IFT140: variants seen among roughly 807,000 people sequenced by gnomAD.
IFT140 encodes intraflagellar transport 140.
A neutral mutation model predicts 164.6 loss-of-function variants in IFT140; 133 were observed. The ratio of observed to expected loss-of-function variants is 0.81; its 90% CI spans 0.70 to 0.93. The LOEUF is 0.93. Ranked by LOEUF, IFT140 falls within the 40% of genes least tolerant of loss-of-function variation. IFT140 has a pLI of 0.00. For missense variants in IFT140, 2,045 were observed against 1,972.3 expected, an observed-to-expected ratio of 1.04 and a Z score of -0.70; for synonymous variants, 860 against 817.3, an observed-to-expected ratio of 1.05 and a Z score of -0.89.
intron 4 of IFT140, among the ~76,000 whole-genome samples, chr16:1,593,650 TG>T (rs907114273): frequency 2.2e-4 from 33 of 152,096 alleles, no homozygotes; most frequent in Non-Finnish European, 4.0e-4. Context: ...TATCATGGGA[TG>T]CCCCTCCACT....
intron 19 of IFT140, among the ~76,000 whole-genome samples, chr16:1,536,043 G>A (rs568597353): frequency 3.9e-5 from 6 of 152,332 alleles, no homozygotes; most frequent in South Asian, 2.1e-4. Context: ...AGGTGGGGCC[G>A]GGCGCTCATG....
At position 1,602,508 on chromosome 16, in the gene IFT140, A is replaced by T; in HGVS notation, c.231T>A (p.Ala77=). 6.2e-7 allele frequency: 1 copy of T among 1,614,146 alleles called. No homozygotes were observed. Among genetic ancestry groups the T allele is most frequent in the Non-Finnish European group, 8.5e-7 (1 of 1,180,034 alleles). Residue 77 remains alanine, a synonymous_variant, in exon 4 of 31, where the codon GCT becomes GCA. Transcript: ENST00000426508. ...LCWHPTRLVL[A]VGWETGEVTV... ...TCACTTCTCCAGTCTCCCAGCCCAC[A>T]GCCAGCACCAGCCGCGTCGGGTGCC...
chr16:1,609,086 C>T (rs1296569600), intron 2 of IFT140, among the ~76,000 whole-genome samples: 3 of 151,756 alleles, frequency 2.0e-5, no homozygotes, highest in African/African-American at 7.3e-5. Flanking sequence ...ATCCAGGAGG[C>T]GGAGGTTGCA....
At chr16:1,546,688 C>T (rs575404625) in intron 19 of IFT140, among the ~76,000 whole-genome samples, 5 of 152,338 alleles carry the variant, frequency 3.3e-5, no homozygotes, top group East Asian at 1.9e-4. Flanking sequence ...TGCCAGGATC[C>T]GTTCATGGAG....
intron 3 of IFT140, among the ~76,000 whole-genome samples, chr16:1,604,036 T>A (rs1017945937): frequency 3.9e-5 from 6 of 152,254 alleles, no homozygotes; most frequent in Admixed American, 6.5e-5. Flanking sequence ...AAATTTTACC[T>A]AAAATTGCTA....
chr16:1,600,462 TTAAA>T (rs1317331000), intron 4 of IFT140, among the ~76,000 whole-genome samples: 5 of 111,552 alleles, frequency 4.5e-5, no homozygotes, highest in African/African-American at 1.8e-4. Context: ...AAAAATAAAT[TTAAA>T]AAAAAAAAAA....
At chr16:1,591,032 C>T (rs759464599) in intron 6 of IFT140, among the ~76,000 whole-genome samples, 1 of 152,216 alleles carries the variant, frequency 6.6e-6, no homozygotes, top group Non-Finnish European at 1.5e-5. Flanking sequence ...TTCTAAGCAT[C>T]TTTACGATAA....
intron 6 of IFT140, among the ~76,000 whole-genome samples, chr16:1,590,740 G>A (rs1011472707): frequency 2.6e-5 from 4 of 152,098 alleles, no homozygotes; most frequent in South Asian, 2.1e-4. Flanking sequence ...TCTTTTTCCC[G>A]ATGGATAATG....
rs957796037 is a variant in IFT140, at chr16:1,593,854, C to T, written c.370-1266G>A. Among the ~76,000 whole-genome samples, 4 of 152,108 alleles carry T rather than the reference C, an allele frequency of 2.6e-5. No individual in the cohort carries two copies. In the South Asian group the frequency reaches 6.2e-4, roughly 24 times the overall value. On this transcript the variant is annotated intron_variant, in intron 4 of 30. Coordinates refer to ENST00000426508, the MANE Select transcript of IFT140 (RefSeq NM_014714.4). Reference sequence around the variant, plus strand: ...CTCTTCCCCGGATCCCCCTCCATCCCGTACTGTTCAGAAAGAAGTCACTCT... The same window carrying T: ...CTCTTCCCCGGATCCCCCTCCATCCTGTACTGTTCAGAAAGAAGTCACTCT...
intron 4 of IFT140, among the ~76,000 whole-genome samples, chr16:1,593,156 C>CT (rs1185285371): frequency 1.3e-5 from 2 of 152,162 alleles, no homozygotes; most frequent in Non-Finnish European, 2.9e-5. Context: ...ATGCATATTC[C>CT]TTTTTTAAAA....
intron 19 of IFT140, among the ~76,000 whole-genome samples, chr16:1,528,529 A>C (rs930307246): frequency 6.6e-6 from 1 of 150,872 alleles, no homozygotes; most frequent in African/African-American, 2.4e-5. Flanking sequence ...ACAGGCACAC[A>C]CAAGCACATG....
At position 1,524,616 on chromosome 16, in the gene IFT140, A is replaced by G. The variant is rs755333071; in HGVS notation, c.3077T>C (p.Val1026Ala). 8 of 1,602,620 alleles carry G rather than the reference A, an allele frequency of 5.0e-6. No individual in the cohort carries two copies. Among genetic ancestry groups the G allele is most frequent in the Non-Finnish European group, 6.8e-6 (8 of 1,172,842 alleles). ...GGTGTAGAAGTGCACCGCCTGCCCGACCTCCTCCTGGCTCTCGTACTGGCG... is the reference window on the plus strand; with the variant it reads ...GGTGTAGAAGTGCACCGCCTGCCCGGCCTCCTCCTGGCTCTCGTACTGGCG... The part of the protein sequence containing the change: ...LARQYESQEE[V>A]GQAVHFYTRA... Residue 1026 changes from valine (V) to alanine (A), a missense_variant, in exon 24 of 31, where the codon GTC becomes GCC. Physicochemically the swap from Val to Ala is moderately conservative, Grantham distance 64. Coordinates refer to ENST00000426508, the MANE Select transcript of IFT140 (RefSeq NM_014714.4).
At chr16:1,518,953 A>T (rs1362044667) in intron 29 of IFT140, among the ~76,000 whole-genome samples, 1 of 151,958 alleles carries the variant, frequency 6.6e-6, no homozygotes, top group Non-Finnish European at 1.5e-5. Context: ...CCACCCACTG[A>T]CTCGGCCATT....
chr16:1,589,564 C>G, intron 7 of IFT140, 41 bp downstream of exon 7: 1 of 1,595,744 alleles, frequency 6.3e-7, no homozygotes, highest in Non-Finnish European at 8.6e-7. Context: ...GAACCTGGCC[C>G]AAGATCCCCA....
At chr16:1,594,140 A>T (rs2035331988) in intron 4 of IFT140, among the ~76,000 whole-genome samples, 1 of 152,064 alleles carries the variant, frequency 6.6e-6, no homozygotes, top group South Asian at 2.1e-4. Flanking sequence ...TGTCCCTTTG[A>T]TGTGCCCCCA....
chr16:1,583,210 C>G (rs1182058079), intron 12 of IFT140, 104 bp downstream of exon 12: 46 of 1,003,338 alleles, frequency 4.6e-5, no homozygotes. Flanking sequence ...GTCTCCCCAG[C>G]CCCTGTGCCA....
At chr16:1,598,466 A>T (rs1246272944) in intron 4 of IFT140, among the ~76,000 whole-genome samples, 1 of 152,174 alleles carries the variant, frequency 6.6e-6, no homozygotes, top group Non-Finnish European at 1.5e-5. Flanking sequence ...TCAAAAAAAA[A>T]ACAGAAACAC....
intron 6 of IFT140, among the ~76,000 whole-genome samples, chr16:1,590,200 CAAA>C (rs559750583): frequency 3.7e-4 from 29 of 78,288 alleles, no homozygotes; most frequent in East Asian, 1.5e-3. Flanking sequence ...GACTCTGTCT[CAAA>C]AAAAAAAAAA....
At chr16:1,569,191 T>C (rs536692400) in intron 14 of IFT140, among the ~76,000 whole-genome samples, 1 of 152,050 alleles carries the variant, frequency 6.6e-6, no homozygotes, top group South Asian at 2.1e-4. Flanking sequence ...GTATTTTTAG[T>C]AGAGACGGGG....
Sources: gnomAD v4.1 joint callset for allele counts (sites outside exome capture counted in the v4.1 genomes callset) on GRCh38, gnomAD v4.1.1 for gene constraint, MANE v1.5 for transcripts, NCBI Gene and HGNC (gene_info 2026-07-23, HGNC 2026-07-21) for gene names.